P4HA1: variants seen among roughly 807,000 people sequenced by gnomAD.
P4HA1 encodes prolyl 4-hydroxylase subunit alpha 1.
Under a neutral mutation model 72.8 loss-of-function variants are expected in P4HA1, and 24 were observed. The observed-to-expected ratio is 0.33, with a 90% CI of 0.24 to 0.46. P4HA1 has a LOEUF of 0.46. Ranked by LOEUF, P4HA1 falls within the 20% of genes least tolerant of loss-of-function variation. The probability of loss-of-function intolerance (pLI) is 1.00; values close to 1 mark genes in which losing one functional copy is unlikely to be tolerated. For missense variants in P4HA1, 446 were observed against 640.6 expected, an observed-to-expected ratio of 0.70 and a Z score of 3.28; for synonymous variants, 201 against 218.8, an observed-to-expected ratio of 0.92 and a Z score of 0.72.
chr10:73,049,216 A>G (rs894456968), intron 7 of P4HA1, among the ~76,000 whole-genome samples: 4 of 152,190 alleles, frequency 2.6e-5, no homozygotes, highest in African/African-American at 9.7e-5. Flanking sequence ...GAACCTATCT[A>G]TTGAAAGTGT....
rs368183745 is a variant in P4HA1 at position 73,049,813 on chromosome 10, T to C, written c.900+1240A>G. Among the ~76,000 whole-genome samples the C allele has an allele frequency of 2.0e-4, 30 of 152,334 alleles. No homozygotes were observed. The East Asian group carries it at 2.7e-3, about 14-fold the overall frequency. On this transcript the variant is annotated intron_variant, in intron 7 of 14. Coordinates refer to ENST00000394890, the MANE Select transcript of P4HA1 (RefSeq NM_001017962.3). ...AGCAAAACTACAAGGGATTATTGTATAGATGAATCTGTTGTATCTCATAAG... is the reference window on the plus strand; with the variant it reads ...AGCAAAACTACAAGGGATTATTGTACAGATGAATCTGTTGTATCTCATAAG...
intron 1 of P4HA1, among the ~76,000 whole-genome samples, chr10:73,079,523 CCT>C (rs1841778009): frequency 6.6e-6 from 1 of 152,180 alleles, no homozygotes; most frequent in Admixed American, 6.5e-5. Context: ...GGATGGATCA[CCT>C]GAGGTGAGGA....
chr10:73,012,442 A>G (rs192674440), intron 12 of P4HA1, among the ~76,000 whole-genome samples: 2 of 152,328 alleles, frequency 1.3e-5, no homozygotes, highest in African/African-American at 4.8e-5. Context: ...ATGAATTTGT[A>G]TACCGTACTA....
chr10:73,075,946 T>C (rs1445623610), intron 1 of P4HA1, among the ~76,000 whole-genome samples: 1 of 152,014 alleles, frequency 6.6e-6, no homozygotes, highest in East Asian at 1.9e-4. Context: ...AATAAAATGT[T>C]CTAAAATTGA....
At position 73,016,829 on chromosome 10, in the gene P4HA1, A is replaced by T. The variant is rs778734009; in HGVS notation, c.1302+17T>A. On this transcript the variant is annotated intron_variant, in intron 11 of 14. Coordinates refer to ENST00000394890, the MANE Select transcript of P4HA1 (RefSeq NM_001017962.3). ...TGCATAAGCCTCAGTGAATTTCTCC[A>T]TTTCTTTTTCACTTACCCGTGCAAA... 6.3e-7 allele frequency: 1 copy of T among 1,584,178 alleles called. No homozygotes were observed. Among genetic ancestry groups the T allele is most frequent in the South Asian group, 1.1e-5 (1 of 90,338 alleles).
chr10:73,089,103 T>C (rs6480666), intron 1 of P4HA1, among the ~76,000 whole-genome samples: 16,357 of 152,194 alleles, frequency 0.11, 1,265 homozygotes, highest in East Asian at 0.3. Context: ...ATACTGAGTC[T>C]TCTAATCCAT....
intron 5 of P4HA1, among the ~76,000 whole-genome samples, chr10:73,067,958 T>C (rs1841466598): frequency 6.6e-6 from 1 of 152,206 alleles, no homozygotes; most frequent in African/African-American, 2.4e-5. Flanking sequence ...AAGTATTTAA[T>C]ATCTATGAAA....
chr10:73,084,429 A>T (rs997019574), intron 1 of P4HA1, among the ~76,000 whole-genome samples: 4 of 152,118 alleles, frequency 2.6e-5, no homozygotes, highest in African/African-American at 9.7e-5. Context: ...AGTAGCTTGG[A>T]CTACAGGGCT....
intron 9 of P4HA1, among the ~76,000 whole-genome samples, chr10:73,037,031 G>GA (rs1373455939): frequency 6.6e-6 from 1 of 151,728 alleles, no homozygotes; most frequent in African/African-American, 2.4e-5. Context: ...CATTTAATAG[G>GA]AAAAATCATT....
chr10:73,066,958 C>T lies in P4HA1; in HGVS notation c.463+1888G>A, dbSNP rs1176902724. ...ACTTACCCAGTCTTGGGTATTTCTT[C>T]ATAGCAGTGTGAATACATCCCACCT... is the stretch of plus-strand genomic sequence containing the variant. On this transcript the variant is annotated intron_variant, in intron 5 of 14. Coordinates refer to ENST00000394890, the MANE Select transcript of P4HA1 (RefSeq NM_001017962.3). Among the ~76,000 whole-genome samples the T allele has an allele frequency of 2.0e-5, 3 of 152,154 alleles. No homozygotes were observed. In the South Asian group the frequency reaches 6.2e-4, roughly 32 times the overall value.
At chr10:73,060,329 G>A (rs2133112313) in intron 5 of P4HA1, among the ~76,000 whole-genome samples, 1 of 152,274 alleles carries the variant, frequency 6.6e-6, no homozygotes, top group East Asian at 1.9e-4. Context: ...CATATTTCCT[G>A]TCTCTGTTTA....
chr10:73,012,103 T>C (rs1393490614), intron 12 of P4HA1, among the ~76,000 whole-genome samples: 2 of 152,126 alleles, frequency 1.3e-5, no homozygotes, highest in Non-Finnish European at 2.9e-5. Context: ...ACAACTATTT[T>C]AGAAAAACAG....
At chr10:73,033,240 G>A (rs144883433) in intron 9 of P4HA1, among the ~76,000 whole-genome samples, 24 of 152,120 alleles carry the variant, frequency 1.6e-4, no homozygotes, top group East Asian at 3.9e-4. Flanking sequence ...ATAAAGCTTC[G>A]AACTAAATGC....
chr10:73,019,730 GA>G (rs3066045), intron 10 of P4HA1, among the ~76,000 whole-genome samples: 3 of 65,224 alleles, frequency 4.6e-5, no homozygotes, highest in South Asian at 9.4e-4. Flanking sequence ...CTCTGTCTCA[GA>G]AAAAAAAAAA....
At chr10:73,076,641 G>GA in intron 1 of P4HA1, among the ~76,000 whole-genome samples, 1 of 152,152 alleles carries the variant, frequency 6.6e-6, no homozygotes, top group South Asian at 2.1e-4. Context: ...CTAACCAACA[G>GA]AAAGGCTTTA....
intron 10 of P4HA1, among the ~76,000 whole-genome samples, chr10:73,018,501 G>A (rs1355066344): frequency 6.6e-6 from 1 of 152,122 alleles, no homozygotes. Flanking sequence ...GCCCCACAGG[G>A]CCCAAACAAC....
rs548182750 is a variant in P4HA1 at position 73,044,979 on chromosome 10, A to G, written c.1148+2T>C. 1.2e-6 allele frequency: 2 copies of G among 1,611,032 alleles called. No individual in the cohort carries two copies. Among genetic ancestry groups the G allele is most frequent in the East Asian group, 2.2e-5 (1 of 44,826 alleles). On this transcript the variant is annotated splice_donor_variant, in intron 9 of 14. Coordinates refer to ENST00000394890, the MANE Select transcript of P4HA1 (RefSeq NM_001017962.3). LOFTEE classifies it high-confidence loss of function. ...AAAATATGCAGCATACACATCTCTT[A>G]CCTTTTGCTAATTCTGTAATGTACC... is the stretch of plus-strand genomic sequence containing the variant.
At chr10:73,042,506 A>G (rs892828218) in intron 9 of P4HA1, among the ~76,000 whole-genome samples, 6 of 152,194 alleles carry the variant, frequency 3.9e-5, no homozygotes, top group African/African-American at 1.4e-4. Flanking sequence ...GAATTGTCAT[A>G]TTGAAAACGT....
At chr10:73,014,345 T>G (rs1222942597) in intron 11 of P4HA1, 56 bp from the exon 12 acceptor site, 2 of 1,251,804 alleles carry the variant, frequency 1.6e-6, no homozygotes. Flanking sequence ...ATACAAATAC[T>G]CTAGTGGCAA....
Sources: allele counts gnomAD v4.1 joint callset (sites outside exome capture counted in the v4.1 genomes callset), GRCh38; gene constraint gnomAD v4.1.1; transcripts MANE v1.5; gene names NCBI Gene and HGNC (gene_info 2026-07-23, HGNC 2026-07-21).